The following MYO3B variants were observed in gnomAD, a reference collection of about 807,000 sequenced individuals.
The protein encoded by MYO3B is myosin-IIIb.
In MYO3B, 156 loss-of-function variants were observed where a neutral mutation model predicts 174.6. The ratio of observed to expected loss-of-function variants is 0.89; its 90% CI spans 0.78 to 1.02. The LOEUF (loss-of-function observed/expected upper bound fraction) is 1.02, where lower values mean the gene tolerates loss of function less well. MYO3B is among the 50% of genes least tolerant of loss of function. The pLI, the probability that MYO3B is intolerant of heterozygous loss-of-function variation, is 0.00. For missense variants in MYO3B, 1,632 were observed against 1,639.4 expected (o/e 1.00, Z 0.08); for synonymous variants, 563 against 569.1 (o/e 0.99, Z 0.15).
At chr2:170,223,592 C>T (rs959801953) in intron 6 of MYO3B, among the ~76,000 whole-genome samples, 5 of 152,106 alleles carry the variant, frequency 3.3e-5, no homozygotes, top group East Asian at 1.9e-4. Flanking sequence ...AACCCGTGTC[C>T]GCTGTTAATA....
chr2:170,552,637 GC>G (rs1690996352), intron 32 of MYO3B, among the ~76,000 whole-genome samples: 1 of 152,176 alleles, frequency 6.6e-6, no homozygotes, highest in African/African-American at 2.4e-5. Context: ...AAAATTTGCA[GC>G]CCAATCATGT....
chr2:170,264,398 A>G (rs1286518350), intron 7 of MYO3B, among the ~76,000 whole-genome samples: 1 of 152,192 alleles, frequency 6.6e-6, no homozygotes, highest in Non-Finnish European at 1.5e-5. Flanking sequence ...GCAGAGCTGC[A>G]GATCTTGTAA....
intron 25 of MYO3B, among the ~76,000 whole-genome samples, chr2:170,476,037 C>T (rs767166797): frequency 1.3e-5 from 2 of 151,784 alleles, no homozygotes; most frequent in Non-Finnish European, 2.9e-5. Context: ...GATTATCCTA[C>T]ACATTCCTTT....
chr2:170,591,360 T>C (rs1272774949), intron 32 of MYO3B, among the ~76,000 whole-genome samples: 1 of 152,182 alleles, frequency 6.6e-6, no homozygotes, highest in East Asian at 1.9e-4. Context: ...CTCATGATCA[T>C]GCTAAATGAG....
At chr2:170,329,420 C>T (rs1445656087) in intron 7 of MYO3B, among the ~76,000 whole-genome samples, 3 of 151,018 alleles carry the variant, frequency 2.0e-5, no homozygotes, top group Admixed American at 6.6e-5. Context: ...TTTTCTCTGT[C>T]GCCAGGCTGG....
Position 170,263,976 on chromosome 2 carries a change from G to C in MYO3B, c.749+27840G>C, listed in dbSNP as rs141163548. On this transcript the variant is annotated intron_variant, in intron 7 of 34. Transcript: ENST00000408978. ...CTGGCTTTCCTAGGCAGAGATCCCT[G>C]TGGCCTTCCTGTTGTGTCCCTGGGT... Among the ~76,000 whole-genome samples, 20 of 152,290 alleles carry C rather than the reference G, an allele frequency of 1.3e-4. No individual in the cohort carries two copies. The East Asian group carries it at 3.9e-3, about 29-fold the overall frequency.
chr2:170,436,646 T>A (rs947323579), intron 22 of MYO3B, among the ~76,000 whole-genome samples: 3 of 152,222 alleles, frequency 2.0e-5, no homozygotes, highest in East Asian at 1.9e-4. Context: ...AACAACTTTT[T>A]ATTTTGCTAC....
chr2:170,638,636 T>G (rs770643950), intron 32 of MYO3B, among the ~76,000 whole-genome samples: 23 of 152,142 alleles, frequency 1.5e-4, no homozygotes, highest in Non-Finnish European at 2.6e-4. Context: ...TTTCCTGCCT[T>G]CACACTGGCT....
At chr2:170,282,028 CA>C (rs1371355806) in intron 7 of MYO3B, among the ~76,000 whole-genome samples, 1 of 152,128 alleles carries the variant, frequency 6.6e-6, no homozygotes, top group Non-Finnish European at 1.5e-5. Flanking sequence ...GAATATTTTG[CA>C]AATATTTTCT....
At chr2:170,613,651 A>G (rs1045334188) in intron 32 of MYO3B, among the ~76,000 whole-genome samples, 1 of 152,174 alleles carries the variant, frequency 6.6e-6, no homozygotes, top group African/African-American at 2.4e-5. Flanking sequence ...TTGCCAAAGG[A>G]GATTATCATT....
intron 3 of MYO3B, among the ~76,000 whole-genome samples, chr2:170,202,252 T>C (rs1453947336): frequency 6.6e-6 from 1 of 152,224 alleles, no homozygotes; most frequent in Non-Finnish European, 1.5e-5. Flanking sequence ...CACTGAATTA[T>C]TCATACCTCT....
At chr2:170,585,963 C>T (rs1693474801) in intron 32 of MYO3B, among the ~76,000 whole-genome samples, 1 of 152,158 alleles carries the variant, frequency 6.6e-6, no homozygotes, top group South Asian at 2.1e-4. Flanking sequence ...GAGGCTGAGG[C>T]AGGCCAGGGG....
At chr2:170,539,781 C>T (rs1237665708) in intron 30 of MYO3B, among the ~76,000 whole-genome samples, 3 of 151,706 alleles carry the variant, frequency 2.0e-5, no homozygotes, top group Non-Finnish European at 2.9e-5. Flanking sequence ...CACTATGGCC[C>T]GGCTAGTTTT....
chr2:170,466,015 C>T (rs141972199), intron 24 of MYO3B, among the ~76,000 whole-genome samples: 1 of 152,130 alleles, frequency 6.6e-6, no homozygotes, highest in East Asian at 1.9e-4. Flanking sequence ...CTTTTTGGTA[C>T]TTCTCTCATT....
intron 7 of MYO3B, among the ~76,000 whole-genome samples, chr2:170,269,024 C>T (rs1277576118): frequency 2.0e-5 from 3 of 152,154 alleles, no homozygotes; most frequent in East Asian, 3.8e-4. Context: ...GAATCCAGCT[C>T]ATTGTAGGGA....
intron 7 of MYO3B, among the ~76,000 whole-genome samples, chr2:170,267,641 A>G (rs181140896): frequency 1.7e-4 from 26 of 152,320 alleles, no homozygotes; most frequent in African/African-American, 4.6e-4. Flanking sequence ...GCTCATGTCA[A>G]CTGGTCAAGA....
chr2:170,206,826 A>G lies in MYO3B; in HGVS notation c.321+6542A>G, dbSNP rs13388425. 7.7e-3 allele frequency among the ~76,000 whole-genome samples: 1,170 copies of G among 152,250 alleles called. 17 individuals carry two copies. The highest frequency in any genetic ancestry group is 0.027 in the African/African-American group (1,134 of 41,540). ...GGCTTCGGAACTGTATTGTAACCAC[A>G]AAGTCCTTGTGATAATAAAACTGTA... On this transcript the variant is annotated intron_variant, in intron 3 of 34. Transcript: ENST00000408978. This position sits in a 1 kb window ranked among gnomAD's most constrained non-coding sequence, Gnocchi z 4.3.
intron 23 of MYO3B, among the ~76,000 whole-genome samples, chr2:170,462,526 T>G (rs114536709): frequency 6.6e-6 from 1 of 152,220 alleles, no homozygotes; most frequent in African/African-American, 2.4e-5. Flanking sequence ...CCTCACCCCA[T>G]GGGAAGGTGG....
intron 7 of MYO3B, among the ~76,000 whole-genome samples, chr2:170,282,648 A>C (rs906499849): frequency 1.3e-5 from 2 of 151,902 alleles, no homozygotes; most frequent in Non-Finnish European, 2.9e-5. Flanking sequence ...GAAAAATGTC[A>C]TCATATTTTA....
Sources: gnomAD v4.1 joint callset for allele counts (sites outside exome capture counted in the v4.1 genomes callset) on GRCh38, gnomAD v4.1.1 for gene constraint, Gnocchi (gnomAD v3.1) non-coding constraint, MANE v1.5 for transcripts, NCBI Gene and HGNC (gene_info 2026-07-23, HGNC 2026-07-21) for gene names.